Variants in TTLL7 observed in about 807,000 individuals in gnomAD.
The protein encoded by TTLL7 is tubulin tyrosine ligase like 7.
TTLL7 carries 53 observed loss-of-function variants against 120.2 expected under a neutral mutation model. The observed-to-expected ratio is 0.44, with a 90% CI of 0.35 to 0.55. TTLL7 has a LOEUF of 0.55. Ranked by LOEUF, TTLL7 falls within the 20% of genes least tolerant of loss-of-function variation. TTLL7 has a pLI of 0.00. For missense variants in TTLL7, 803 were observed against 1,054.7 expected, an observed-to-expected ratio of 0.76 and a Z score of 3.31; for synonymous variants, 353 against 351.7, an observed-to-expected ratio of 1.00 and a Z score of -0.04.
At chr1:83,941,479 A>T (rs1386990838) in intron 7 of TTLL7, among the ~76,000 whole-genome samples, 1 of 152,112 alleles carries the variant, frequency 6.6e-6, no homozygotes, top group Non-Finnish European at 1.5e-5. Flanking sequence ...CAGTTTCCTT[A>T]TTCTTCCTTT....
At chr1:83,974,752 T>C (rs78116985) in intron 1 of TTLL7, among the ~76,000 whole-genome samples, 1,813 of 152,202 alleles carry the variant, frequency 0.012, 35 homozygotes, top group African/African-American at 0.041. Context: ...TTTTTATCTT[T>C]GTCAAATTGA....
rs916671688 is a variant in TTLL7 at position 83,868,321 on chromosome 1, A to C, written c.*1641T>G. On this transcript the variant is annotated 3_prime_UTR_variant, in exon 21 of 21. Transcript: ENST00000260505. The stretch of plus-strand genomic sequence containing the variant: ...AAAACTGTTGGGAGAAGAAGTTTAA[A>C]TAAATTCTAAGAAGTGATGGCTGCA... 10 of 152,214 alleles carry C rather than the reference A, an allele frequency of 6.6e-5. No individual in the cohort carries two copies. The highest frequency in any genetic ancestry group is 1.2e-4 in the Non-Finnish European group (8 of 68,028). The allele number at this position is 152,214 out of a possible 1,614,324, so 9.4% of individuals were successfully genotyped here.
At chr1:83,990,396 C>T (rs1309069418) in intron 1 of TTLL7, among the ~76,000 whole-genome samples, 2 of 152,026 alleles carry the variant, frequency 1.3e-5, no homozygotes, top group Non-Finnish European at 2.9e-5. Flanking sequence ...AGGATGGTCT[C>T]GATCTCCTGA....
At chr1:83,880,826 C>T (rs933224851) in intron 20 of TTLL7, among the ~76,000 whole-genome samples, 3 of 151,994 alleles carry the variant, frequency 2.0e-5, no homozygotes, top group Admixed American at 2.0e-4. Flanking sequence ...CATCACGCTA[C>T]CTGACTTCAA....
intron 6 of TTLL7, among the ~76,000 whole-genome samples, chr1:83,943,011 G>A (rs1258932169): frequency 2.1e-5 from 3 of 139,738 alleles, no homozygotes; most frequent in East Asian, 1.9e-4. Flanking sequence ...ATACCAGTAC[G>A]GTCCTGGAGG....
At chr1:83,964,229 T>C (rs962964710) in intron 1 of TTLL7, among the ~76,000 whole-genome samples, 2 of 152,120 alleles carry the variant, frequency 1.3e-5, no homozygotes, top group African/African-American at 2.4e-5. Context: ...TGTATCTATC[T>C]GGCACCACAA....
chr1:83,907,436 G>C lies in TTLL7; in HGVS notation c.1992+20C>G. The C allele has an allele frequency of 6.2e-7, 1 of 1,609,600 alleles. No individual in the cohort carries two copies. The highest frequency in any genetic ancestry group is 8.5e-7 in the Non-Finnish European group (1 of 1,177,100). ...TACAGAGCTCCCTGTAATCTTGAAA[G>C]AGCAAAACAGATGACCTACCACTTG... On this transcript the variant is annotated intron_variant, in intron 16 of 20. Coordinates refer to ENST00000260505, the MANE Select transcript of TTLL7 (RefSeq NM_024686.6).
chr1:83,909,423 A>G (rs1186664277), intron 15 of TTLL7, among the ~76,000 whole-genome samples: 1 of 151,926 alleles, frequency 6.6e-6, no homozygotes, highest in Non-Finnish European at 1.5e-5. Context: ...TTTTCAAACT[A>G]TATACAAGAC....
intron 1 of TTLL7, among the ~76,000 whole-genome samples, chr1:83,971,906 A>G (rs2100572289): frequency 6.7e-6 from 1 of 150,202 alleles, no homozygotes; most frequent in South Asian, 2.1e-4. Context: ...AACTGTTTTC[A>G]GAGCCTAGGG....
chr1:83,921,086 C>G lies in TTLL7; in HGVS notation c.1364+1G>C. 1 of 1,611,466 alleles carries G rather than the reference C, an allele frequency of 6.2e-7. No individual in the cohort carries two copies. The highest frequency in any genetic ancestry group is 8.5e-7 in the Non-Finnish European group (1 of 1,178,946). ...CTATACAAAAATAGCAGCACAGTTA[C>G]CTATAATTCCCCATATGTCGATTTT... On this transcript the variant is annotated splice_donor_variant, in intron 12 of 20. Transcript: ENST00000260505. LOFTEE classifies it high-confidence loss of function.
At chr1:83,928,011 G>A (rs1339575960) in intron 10 of TTLL7, among the ~76,000 whole-genome samples, 1 of 152,072 alleles carries the variant, frequency 6.6e-6, no homozygotes, top group Non-Finnish European at 1.5e-5. Flanking sequence ...TAAAGAAAAT[G>A]AATTTCTACT....
At chr1:83,907,867 T>C (rs369728660) in intron 15 of TTLL7, among the ~76,000 whole-genome samples, 2 of 152,008 alleles carry the variant, frequency 1.3e-5, no homozygotes, top group African/African-American at 2.4e-5. Flanking sequence ...CTGTAATGTA[T>C]AAAAAATGGC....
intron 9 of TTLL7, 118 bp downstream of exon 9, chr1:83,933,490 T>C: frequency 9.6e-7 from 1 of 1,046,614 alleles, no homozygotes; most frequent in Non-Finnish European, 1.4e-6. Flanking sequence ...ACTTATTCCA[T>C]TCAGCCTTCA....
chr1:83,978,773 T>C (rs1413625748), intron 1 of TTLL7, among the ~76,000 whole-genome samples: 1 of 152,092 alleles, frequency 6.6e-6, no homozygotes, highest in Non-Finnish European at 1.5e-5. Context: ...GAAATTCTAG[T>C]CTAGCAATGA....
chr1:83,876,431 T>C (rs1027588851), intron 20 of TTLL7, among the ~76,000 whole-genome samples: 1 of 151,934 alleles, frequency 6.6e-6, no homozygotes, highest in African/African-American at 2.4e-5. Context: ...CTTTTGTGTA[T>C]AGTGATAGAA....
intron 9 of TTLL7, among the ~76,000 whole-genome samples, chr1:83,932,518 G>A (rs1659679704): frequency 6.6e-6 from 1 of 151,964 alleles, no homozygotes; most frequent in African/African-American, 2.4e-5. Context: ...TTTCCTTGGA[G>A]ACACAATACA....
chr1:83,916,201 T>C (rs551970914), intron 14 of TTLL7, among the ~76,000 whole-genome samples: 258 of 152,154 alleles, frequency 1.7e-3, no homozygotes, highest in Admixed American at 6.4e-3. Context: ...CATATGTTTA[T>C]TGCAGCACTA....
At chr1:83,906,122 T>C in intron 17 of TTLL7, among the ~76,000 whole-genome samples, 1 of 152,104 alleles carries the variant, frequency 6.6e-6, no homozygotes, top group East Asian at 1.9e-4. Flanking sequence ...TACTTTGTAC[T>C]GCTGATTATA....
intron 20 of TTLL7, among the ~76,000 whole-genome samples, chr1:83,871,896 CAAAAA>C (rs1281907006): frequency 4.5e-5 from 2 of 44,002 alleles, no homozygotes; most frequent in Admixed American, 2.6e-4. Flanking sequence ...GACTCCATCT[CAAAAA>C]AAAAAAAAAA....
Sources: allele counts gnomAD v4.1 joint callset (sites outside exome capture counted in the v4.1 genomes callset), GRCh38; gene constraint gnomAD v4.1.1; transcripts MANE v1.5; gene names NCBI Gene and HGNC (gene_info 2026-07-23, HGNC 2026-07-21).